The following LHFPL3 variants were observed in gnomAD, a reference collection of about 807,000 sequenced individuals.
LHFPL3 encodes the protein LHFPL tetraspan subfamily member 3.
A neutral mutation model predicts 19.3 loss-of-function variants in LHFPL3; 5 were observed. The ratio of observed to expected loss-of-function variants is 0.26; its 90% confidence interval spans 0.14 to 0.54. The LOEUF is 0.54. Ranked by LOEUF, LHFPL3 falls within the 20% of genes least tolerant of loss-of-function variation. The probability of loss-of-function intolerance (pLI) is 0.94; values close to 1 mark genes in which losing one functional copy is unlikely to be tolerated. For missense variants in LHFPL3, 249 were observed against 307.4 expected, an observed-to-expected ratio of 0.81 and a Z score of 1.42; for synonymous variants, 133 against 126.2, an observed-to-expected ratio of 1.05 and a Z score of -0.36.
chr7:104,699,050 G>T (rs1275453110), intron 1 of LHFPL3, among the ~76,000 whole-genome samples: 1 of 152,166 alleles, frequency 6.6e-6, no homozygotes, highest in South Asian at 2.1e-4. Flanking sequence ...ACAAGTGTTG[G>T]CAAGGATGTG....
chr7:104,790,656 A>C (rs1790007325), intron 2 of LHFPL3, among the ~76,000 whole-genome samples: 1 of 152,198 alleles, frequency 6.6e-6, no homozygotes, highest in East Asian at 1.9e-4. Flanking sequence ...TGCCAAGCCC[A>C]TCGTCTAGAA....
chr7:104,395,479 C>T (rs76770522), intron 1 of LHFPL3, among the ~76,000 whole-genome samples: 1 of 152,294 alleles, frequency 6.6e-6, no homozygotes, highest in South Asian at 2.1e-4. Context: ...AAATTGGCAG[C>T]CAGTTTCTTT....
intron 1 of LHFPL3, among the ~76,000 whole-genome samples, chr7:104,437,594 A>G (rs2116573995): frequency 6.6e-6 from 1 of 152,362 alleles, no homozygotes; most frequent in Middle Eastern, 3.4e-3. Context: ...GCTACGAATC[A>G]AAAGTTCCTA....
chr7:104,636,024 T>C (rs1354141804), intron 1 of LHFPL3, among the ~76,000 whole-genome samples: 1 of 152,088 alleles, frequency 6.6e-6, no homozygotes, highest in Non-Finnish European at 1.5e-5. Context: ...AAAAGACAAC[T>C]CTAGAAACAA....
intron 2 of LHFPL3, among the ~76,000 whole-genome samples, chr7:104,881,525 G>T (rs1792057226): frequency 6.6e-6 from 1 of 152,136 alleles, no homozygotes; most frequent in Non-Finnish European, 1.5e-5. Flanking sequence ...CTGAATTGCT[G>T]CCATCTCATG....
intron 1 of LHFPL3, among the ~76,000 whole-genome samples, chr7:104,638,599 A>T (rs1284163027): frequency 6.6e-6 from 1 of 152,184 alleles, no homozygotes; most frequent in Non-Finnish European, 1.5e-5. Context: ...TTTAACATGA[A>T]GGAATGTTGA....
chr7:104,664,316 T>TAA (rs11434136), intron 1 of LHFPL3, among the ~76,000 whole-genome samples: 23 of 151,982 alleles, frequency 1.5e-4, no homozygotes, highest in South Asian at 1.2e-3. Context: ...TCAGCTTCTA[T>TAA]AAAAAAAATG....
intron 1 of LHFPL3, among the ~76,000 whole-genome samples, chr7:104,693,547 C>T (rs1042955449): frequency 1.8e-4 from 28 of 152,238 alleles, no homozygotes; most frequent in Admixed American, 4.6e-4. Context: ...TCACAACATC[C>T]GATGGTTTTA....
intron 1 of LHFPL3, among the ~76,000 whole-genome samples, chr7:104,584,513 A>G (rs887075904): frequency 6.6e-6 from 1 of 152,166 alleles, no homozygotes; most frequent in Non-Finnish European, 1.5e-5. Flanking sequence ...CATCTTTATT[A>G]GAGAAGTTTT....
intron 1 of LHFPL3, among the ~76,000 whole-genome samples, chr7:104,495,415 G>A (rs1201759511): frequency 1.3e-5 from 2 of 152,048 alleles, no homozygotes; most frequent in Admixed American, 1.3e-4. Flanking sequence ...ACGGAGTCTT[G>A]CTCTGTCGCC....
At chr7:104,431,669 A>G (rs1210739283) in intron 1 of LHFPL3, among the ~76,000 whole-genome samples, 1 of 152,184 alleles carries the variant, frequency 6.6e-6, no homozygotes, top group Admixed American at 6.5e-5. Flanking sequence ...TCTTACCATC[A>G]CATGTATAAA....
chr7:104,885,952 C>T (rs1792139362), intron 2 of LHFPL3, among the ~76,000 whole-genome samples: 1 of 152,222 alleles, frequency 6.6e-6, no homozygotes, highest in African/African-American at 2.4e-5. Context: ...GAAGCCTCCA[C>T]CTAGAAGGTG....
rs1792649056 is a variant in LHFPL3 at position 104,907,780 on chromosome 7, C to T, written c.*1565C>T. 6.6e-6 allele frequency among the ~76,000 whole-genome samples: 1 copy of T among 152,182 alleles called. No individual in the cohort carries two copies. The highest frequency in any genetic ancestry group is 1.9e-4 in the East Asian group (1 of 5,204). ...AGGGTTCACTTCTCTTACCCTCTCT[C>T]TGTTAGGACCACATTCCTATTTTAG... On this transcript the variant is annotated 3_prime_UTR_variant, in exon 3 of 3. Transcript: ENST00000424859.
chr7:104,750,619 G>A (rs1794145742), intron 2 of LHFPL3, among the ~76,000 whole-genome samples: 1 of 152,234 alleles, frequency 6.6e-6, no homozygotes, highest in Non-Finnish European at 1.5e-5. Flanking sequence ...TACCCCTGTG[G>A]GGATTTTTTG....
At chr7:104,582,393 T>C (rs564632444) in intron 1 of LHFPL3, among the ~76,000 whole-genome samples, 9 of 152,044 alleles carry the variant, frequency 5.9e-5, no homozygotes, top group Non-Finnish European at 1.2e-4. Context: ...TCTACTTAAA[T>C]AATTATGCCA....
Position 104,424,983 on chromosome 7 carries a change from T to TAAAAAAAAAAAAAA in LHFPL3, c.445+95768_445+95781dup, listed in dbSNP as rs71153196. Among the ~76,000 whole-genome samples the TAAAAAAAAAAAAAA allele has an allele frequency of 7.7e-4, 50 of 65,096 alleles. 2 individuals are homozygous for TAAAAAAAAAAAAAA. The highest frequency in any genetic ancestry group is 5.1e-3 in the East Asian group (10 of 1,944). The allele number at this position is 65,096 out of a possible 152,430, so 42.7% of individuals were successfully genotyped here. A position where few individuals can be genotyped will look rare whatever the true frequency, so the allele number is the denominator to read the frequency against. On this transcript the variant is annotated intron_variant, in intron 1 of 2. Transcript: ENST00000424859. Reference sequence around the variant, plus strand: ...GGCGACAGAGTGAGACTCCATCTCATAAAAAAAAAAAAAAAAAAAAAAGAA... The same window carrying TAAAAAAAAAAAAAA: ...GGCGACAGAGTGAGACTCCATCTCATAAAAAAAAAAAAAAAAAAAAAAAAAAAAAAAAAAAAGAA...
chr7:104,369,362 T>A (rs1199708833), intron 1 of LHFPL3, among the ~76,000 whole-genome samples: 1 of 152,254 alleles, frequency 6.6e-6, no homozygotes, highest in East Asian at 1.9e-4. Flanking sequence ...ACTAATATAA[T>A]GCTTTTAAGC....
chr7:104,874,297 C>T (rs1791891974), intron 2 of LHFPL3, among the ~76,000 whole-genome samples: 1 of 151,000 alleles, frequency 6.6e-6, no homozygotes, highest in South Asian at 2.1e-4. Flanking sequence ...AATTTATTTG[C>T]TTTAATTAAT....
chr7:104,406,579 G>A (rs944620511), intron 1 of LHFPL3, among the ~76,000 whole-genome samples: 1 of 152,138 alleles, frequency 6.6e-6, no homozygotes, highest in Admixed American at 6.5e-5. Flanking sequence ...ATTCTAACCC[G>A]GGTCTTCTGA....
Sources: allele counts gnomAD v4.1 joint callset (sites outside exome capture counted in the v4.1 genomes callset), GRCh38; gene constraint gnomAD v4.1.1; transcripts MANE v1.5; gene names NCBI Gene and HGNC (gene_info 2026-07-23, HGNC 2026-07-21).